The following PKNOX2 variants were observed in gnomAD, a reference collection of about 807,000 sequenced individuals.
PKNOX2 encodes homeobox protein PKNOX2.
Under a neutral mutation model 53.1 loss-of-function variants are expected in PKNOX2, and 14 were observed. That is an observed-to-expected ratio of 0.26 (90% CI 0.17 to 0.41). The LOEUF (loss-of-function observed/expected upper bound fraction) is 0.41. PKNOX2 is among the 10% of genes least tolerant of loss of function. The pLI, the probability that PKNOX2 is intolerant of heterozygous loss-of-function variation, is 1.00. For missense variants in PKNOX2, 496 were observed against 602.8 expected (o/e 0.82, Z 1.85); for synonymous variants, 257 against 242.8 (o/e 1.06, Z -0.54).
At chr11:125,206,141 A>G (rs747698138) in intron 1 of PKNOX2, among the ~76,000 whole-genome samples, 8 of 152,010 alleles carry the variant, frequency 5.3e-5, no homozygotes, top group Admixed American at 4.6e-4. Context: ...GCGCACAGAC[A>G]AAGGAGACAG....
Position 125,344,292 on chromosome 11 carries a change from G to A in PKNOX2, c.-22-6992G>A, listed in dbSNP as rs113250478. Among the ~76,000 whole-genome samples, 93 of 152,348 alleles carry A rather than the reference G, an allele frequency of 6.1e-4. 1 individual carries two copies. The highest frequency in any genetic ancestry group is 2.1e-3 in the African/African-American group (89 of 41,588). ...AGAACAAACAGTAAAATGGTCTTGG[G>A]AGTGGAGACGGGAGAGGAGGTTTAG... is the stretch of plus-strand genomic sequence containing the variant. On this transcript the variant is annotated intron_variant, in intron 3 of 12. Coordinates refer to ENST00000298282, the MANE Select transcript of PKNOX2 (RefSeq NM_001382323.2).
rs1038965094 is a variant in PKNOX2, at chr11:125,176,907, T to C, written c.-201+12131T>C. On this transcript the variant is annotated intron_variant, in intron 1 of 12. Coordinates refer to ENST00000298282, the MANE Select transcript of PKNOX2 (RefSeq NM_001382323.2). Reference sequence around the variant, plus strand: ...CCCTCCTCTGCCATCCTATGCTCCTTGAGGACAGGTTTTCAGGGGAGCTTT... The same window carrying C: ...CCCTCCTCTGCCATCCTATGCTCCTCGAGGACAGGTTTTCAGGGGAGCTTT... Among the ~76,000 whole-genome samples the C allele has an allele frequency of 3.3e-5, 5 of 152,326 alleles. No homozygotes were observed. In the South Asian group the frequency reaches 8.3e-4, roughly 25 times the overall value.
intron 3 of PKNOX2, among the ~76,000 whole-genome samples, chr11:125,350,394 G>A (rs1951229973): frequency 6.6e-6 from 1 of 152,122 alleles, no homozygotes; most frequent in Admixed American, 6.5e-5. Flanking sequence ...TGGAGGTGCT[G>A]CTTCCATCCC....
At chr11:125,228,950 G>T (rs1009673999) in intron 1 of PKNOX2, among the ~76,000 whole-genome samples, 4 of 152,172 alleles carry the variant, frequency 2.6e-5, no homozygotes, top group African/African-American at 9.7e-5. Context: ...GGTGGGGAAA[G>T]TGTCCACAAT....
chr11:125,222,789 G>A (rs12286346), intron 1 of PKNOX2, among the ~76,000 whole-genome samples: 41,053 of 150,892 alleles, frequency 0.27, 6,610 homozygotes, highest in African/African-American at 0.45. Flanking sequence ...ATGTGTGTAT[G>A]TGTGTGTGTG....
At chr11:125,341,070 AAAG>A (rs1195573010) in intron 3 of PKNOX2, among the ~76,000 whole-genome samples, 4 of 150,292 alleles carry the variant, frequency 2.7e-5, no homozygotes, top group South Asian at 2.1e-4. Context: ...AAAAAAAAAA[AAAG>A]TAAGCCGGCC....
intron 7 of PKNOX2, among the ~76,000 whole-genome samples, chr11:125,400,461 T>A (rs1428666784): frequency 2.0e-5 from 3 of 152,198 alleles, no homozygotes; most frequent in African/African-American, 7.2e-5. Flanking sequence ...GAAACCCTGC[T>A]TGCCATGCCC....
intron 5 of PKNOX2, among the ~76,000 whole-genome samples, chr11:125,378,124 C>T (rs1022787644): frequency 1.3e-5 from 2 of 152,246 alleles, no homozygotes; most frequent in African/African-American, 4.8e-5. Context: ...TCTGAGATCC[C>T]AGTGGTGTCT....
intron 1 of PKNOX2, among the ~76,000 whole-genome samples, chr11:125,205,154 T>C (rs570636705): frequency 1.3e-5 from 2 of 152,394 alleles, no homozygotes; most frequent in South Asian, 4.1e-4. Flanking sequence ...ATTTTAATCA[T>C]GGATCCTTTT....
chr11:125,353,946 T>C (rs913914297), intron 4 of PKNOX2, among the ~76,000 whole-genome samples: 1 of 151,684 alleles, frequency 6.6e-6, no homozygotes, highest in Non-Finnish European at 1.5e-5. Flanking sequence ...ATGGGGGAGC[T>C]GGGGGATGCC....
At chr11:125,262,264 A>G (rs1416747623) in intron 2 of PKNOX2, among the ~76,000 whole-genome samples, 1 of 152,102 alleles carries the variant, frequency 6.6e-6, no homozygotes, top group Non-Finnish European at 1.5e-5. Context: ...TTGGGCCGGA[A>G]GGAGTGATGA....
rs751079682 is a variant in PKNOX2, at chr11:125,410,853, G to A, written c.793G>A (p.Ala265Thr). ...GGTCACCCAAGCAATCCCCCAGGGA[G>A]CCATCCAGATCCAGAACACACAGGT... ...QVVTQAIPQGAIQIQNTQVNL... is the reference protein window; with the variant it reads ...QVVTQAIPQGTIQIQNTQVNL... Residue 265 changes from alanine to threonine, a missense_variant, in exon 9 of 13, where the codon GCC (alanine) becomes ACC (threonine). Around this residue, in one of 5 missense-constraint regions of PKNOX2, gnomAD observed 141 missense variants for 143.9 expected, o/e 0.98. Coordinates refer to ENST00000298282, the MANE Select transcript of PKNOX2 (RefSeq NM_001382323.2). 6.2e-7 allele frequency: 1 copy of A among 1,614,058 alleles called. No homozygotes were observed. Among genetic ancestry groups the A allele is most frequent in the South Asian group, 1.1e-5 (1 of 91,070 alleles).
chr11:125,309,728 T>C (rs1463607610), intron 2 of PKNOX2, among the ~76,000 whole-genome samples: 1 of 152,144 alleles, frequency 6.6e-6, no homozygotes, highest in East Asian at 1.9e-4. Flanking sequence ...CTCAACATCA[T>C]CTTCTTGCTT....
At chr11:125,178,593 G>GAAA (rs1955880566) in intron 1 of PKNOX2, among the ~76,000 whole-genome samples, 1 of 32,364 alleles carries the variant, frequency 3.1e-5, no homozygotes, top group African/African-American at 1.5e-4. Flanking sequence ...AAGGAAGGAA[G>GAAA]GAAGGAAGGA....
At chr11:125,402,755 T>C (rs1164141282) in intron 7 of PKNOX2, among the ~76,000 whole-genome samples, 1 of 152,150 alleles carries the variant, frequency 6.6e-6, no homozygotes, top group Admixed American at 6.5e-5. Flanking sequence ...GTGATCCACA[T>C]GTGTGGCTTG....
intron 1 of PKNOX2, among the ~76,000 whole-genome samples, chr11:125,198,530 A>G (rs1290729565): frequency 1.3e-5 from 2 of 152,220 alleles, no homozygotes; most frequent in African/African-American, 2.4e-5. Context: ...GTGTCTCACT[A>G]TATTTTCCTT....
At chr11:125,426,186 C>A (rs890448917) in intron 10 of PKNOX2, among the ~76,000 whole-genome samples, 8 of 152,198 alleles carry the variant, frequency 5.3e-5, no homozygotes, top group African/African-American at 1.7e-4. Flanking sequence ...AGTGGAAGAA[C>A]TTTTCATCCT....
intron 2 of PKNOX2, among the ~76,000 whole-genome samples, chr11:125,275,516 C>G (rs1257429404): frequency 6.6e-6 from 1 of 152,132 alleles, no homozygotes; most frequent in Non-Finnish European, 1.5e-5. Flanking sequence ...AAAGACCACT[C>G]TGGCTGCTGA....
intron 1 of PKNOX2, among the ~76,000 whole-genome samples, chr11:125,220,721 C>A (rs1027682746): frequency 6.6e-6 from 1 of 152,208 alleles, no homozygotes; most frequent in Non-Finnish European, 1.5e-5. Flanking sequence ...TCCATCCATA[C>A]ACCAAAGCAG....
Sources: gnomAD v4.1 joint callset for allele counts (sites outside exome capture counted in the v4.1 genomes callset) on GRCh38, gnomAD v4.1.1 for gene constraint, gnomAD v4.1.1 regional missense constraint, MANE v1.5 for transcripts, NCBI Gene and HGNC (gene_info 2026-07-23, HGNC 2026-07-21) for gene names.